The following SYNE1 variants were observed in gnomAD, a reference collection of about 807,000 sequenced individuals.
The protein encoded by SYNE1 is nesprin-1.
SYNE1 carries 616 observed loss-of-function variants against 1,111.0 expected under a neutral mutation model. The ratio of observed to expected loss-of-function variants is 0.55; its 90% CI spans 0.52 to 0.59. The LOEUF (loss-of-function observed/expected upper bound fraction) is 0.59. Ranked by LOEUF, SYNE1 falls within the 20% of genes least tolerant of loss-of-function variation. The pLI is 0.00. For synonymous variants in SYNE1, 3,855 were observed against 3,825.8 expected (o/e 1.01, Z -0.28); for missense variants, 10,006 against 10,417.0 (o/e 0.96, Z 1.72).
At chr6:152,420,735 C>CT (rs1432591140) in intron 39 of SYNE1, among the ~76,000 whole-genome samples, 3 of 152,104 alleles carry the variant, frequency 2.0e-5, no homozygotes, top group Non-Finnish European at 4.4e-5. Flanking sequence ...GCCTGAAATA[C>CT]TTTTTTTAGT....
At chr6:152,519,147 A>C (rs1237622742) in intron 6 of SYNE1, among the ~76,000 whole-genome samples, 1 of 152,184 alleles carries the variant, frequency 6.6e-6, no homozygotes, top group Non-Finnish European at 1.5e-5. Context: ...TAATAATTTA[A>C]AAAAAGAAAA....
intron 10 of SYNE1, 22 bp downstream of exon 10, chr6:152,502,611 C>T: frequency 6.4e-7 from 1 of 1,573,038 alleles, no homozygotes; most frequent in Non-Finnish European, 8.7e-7. Flanking sequence ...ACCAGTGATA[C>T]TTGAAGAAAG....
rs748272166 is a variant in SYNE1 at position 152,330,510 on chromosome 6, G to A, written c.14175C>T (p.Gly4725=). ...GCRAILDEVA[G]LGEAVDELNQ... Reference sequence around the variant, plus strand: ...TCAGTTCATCCACCGCCTCCCCAAGGCCCGCCACCTCGTCCAGAATGGCTC... The same window carrying A: ...TCAGTTCATCCACCGCCTCCCCAAGACCCGCCACCTCGTCCAGAATGGCTC... Residue 4725 remains glycine, a synonymous_variant, in exon 78 of 146, where the codon GGC becomes GGT. Coordinates refer to ENST00000367255, the MANE Select transcript of SYNE1 (RefSeq NM_182961.4). 3 of 1,613,944 alleles carry A rather than the reference G, an allele frequency of 1.9e-6. No individual in the cohort carries two copies. In the East Asian group the frequency reaches 6.7e-5, roughly 36 times the overall value.
chr6:152,225,996 C>G (rs1450248466), intron 115 of SYNE1, 120 bp from the exon 116 acceptor site: 2 of 1,004,740 alleles, frequency 2.0e-6, no homozygotes, highest in Admixed American at 2.5e-5. Flanking sequence ...AAAAGCTTAT[C>G]TCTTTCAGAA....
Position 152,343,002 on chromosome 6 carries a change from GAAGT to G in SYNE1, c.12225+1075_12225+1078del, listed in dbSNP as rs367751317. Among the ~76,000 whole-genome samples, 324 of 152,150 alleles carry G rather than the reference GAAGT, an allele frequency of 2.1e-3. 2 individuals carry two copies. Among genetic ancestry groups the G allele is most frequent in the African/African-American group, 6.1e-3 (254 of 41,500 alleles). ...TATTTGCATTTCATTATAACTTTTA[GAAGT>G]AAGTATACTTATAAATGTCACTTTT... On this transcript the variant is annotated intron_variant, in intron 74 of 145. Coordinates refer to ENST00000367255, the MANE Select transcript of SYNE1 (RefSeq NM_182961.4).
intron 100 of SYNE1, among the ~76,000 whole-genome samples, 193 bp downstream of exon 100, chr6:152,267,863 T>C (rs1037703927): frequency 6.6e-6 from 1 of 152,154 alleles, no homozygotes; most frequent in African/African-American, 2.4e-5. Context: ...ACAAGTAAGC[T>C]TACTACAGGC....
intron 19 of SYNE1, 32 bp downstream of exon 19, chr6:152,463,321 C>A: frequency 6.2e-7 from 1 of 1,613,338 alleles, no homozygotes; most frequent in Non-Finnish European, 8.5e-7. Context: ...AACACATACA[C>A]GTTGAGGTGT....
chr6:152,463,622 T>C (rs539584075), intron 18 of SYNE1, 105 bp from the exon 19 acceptor site: 457 of 1,002,130 alleles, frequency 4.6e-4, no homozygotes, highest in Non-Finnish European at 6.0e-4. Context: ...AACATTCATG[T>C]GAATTTTAAG....
intron 129 of SYNE1, among the ~76,000 whole-genome samples, chr6:152,178,651 T>C (rs989294799): frequency 2.0e-5 from 3 of 152,178 alleles, no homozygotes; most frequent in African/African-American, 7.2e-5. Flanking sequence ...ATGCAGTAAA[T>C]ACTGGCTGAG....
chr6:152,318,372 T>C, intron 85 of SYNE1, 109 bp from the exon 86 acceptor site: 1 of 1,170,800 alleles, frequency 8.5e-7, no homozygotes, highest in East Asian at 2.5e-5. Context: ...AATGAATAAT[T>C]CTACTATAAT....
At chr6:152,544,773 C>T (rs145223186) in intron 3 of SYNE1, among the ~76,000 whole-genome samples, 11 of 152,254 alleles carry the variant, frequency 7.2e-5, no homozygotes, top group Admixed American at 2.0e-4. Flanking sequence ...TAGTCACCTG[C>T]GGGTACTGCA....
chr6:152,443,515 C>A (rs754055265), intron 30 of SYNE1, among the ~76,000 whole-genome samples: 5 of 152,182 alleles, frequency 3.3e-5, no homozygotes, highest in Admixed American at 6.5e-5. Flanking sequence ...GCGCCCGCCT[C>A]GGCCTCCCAA....
chr6:152,491,584 G>C, intron 11 of SYNE1, among the ~76,000 whole-genome samples: 1 of 152,046 alleles, frequency 6.6e-6, no homozygotes, highest in East Asian at 1.9e-4. Context: ...ACTCAACAAT[G>C]GTTCTAAATG....
chr6:152,495,821 C>T (rs892927153), intron 11 of SYNE1, among the ~76,000 whole-genome samples: 12 of 152,228 alleles, frequency 7.9e-5, no homozygotes, highest in Non-Finnish European at 1.8e-4. Flanking sequence ...GAACCCCTTC[C>T]CGTCCCTTGT....
At chr6:152,460,172 T>G (rs2098722735) in intron 21 of SYNE1, among the ~76,000 whole-genome samples, 1 of 152,196 alleles carries the variant, frequency 6.6e-6, no homozygotes. Context: ...CAGGCTAAGA[T>G]GTGCAAGCCC....
chr6:152,234,861 A>G, intron 110 of SYNE1, 61 bp from the exon 111 acceptor site: 2 of 1,577,936 alleles, frequency 1.3e-6, no homozygotes, highest in Non-Finnish European at 1.7e-6. Flanking sequence ...CTACTCACCT[A>G]CGTTACTCAC....
At chr6:152,503,692 A>G (rs894650059) in intron 9 of SYNE1, among the ~76,000 whole-genome samples, 1 of 152,224 alleles carries the variant, frequency 6.6e-6, no homozygotes, top group Non-Finnish European at 1.5e-5. Context: ...TAGGGTTTAA[A>G]GAGTGCTGCA....
chr6:152,135,599 C>T (rs1585782813), intron 141 of SYNE1, among the ~76,000 whole-genome samples: 1 of 152,204 alleles, frequency 6.6e-6, no homozygotes, highest in East Asian at 1.9e-4. Context: ...AATCTCATAT[C>T]CCCTTCATTC....
intron 3 of SYNE1, 30 bp downstream of exon 3, chr6:152,628,235 T>C: frequency 1.2e-6 from 2 of 1,613,346 alleles, no homozygotes; most frequent in Non-Finnish European, 1.7e-6. Context: ...TATTTGAATT[T>C]TTTTAAAACC....
Sources: gnomAD v4.1 joint callset for allele counts (sites outside exome capture counted in the v4.1 genomes callset) on GRCh38, gnomAD v4.1.1 for gene constraint, MANE v1.5 for transcripts, NCBI Gene and HGNC (gene_info 2026-07-23, HGNC 2026-07-21) for gene names.